The following ZFHX3 variants were observed in gnomAD, a reference collection of about 807,000 sequenced individuals.
ZFHX3 encodes zinc finger homeobox 3.
A neutral mutation model predicts 279.1 loss-of-function variants in ZFHX3; 42 were observed. That is an observed-to-expected ratio of 0.15 (90% confidence interval 0.12 to 0.19). The LOEUF is 0.19. Among genes scored for constraint, ZFHX3 ranks in the 10% least tolerant of loss-of-function variants. The probability of loss-of-function intolerance (pLI) is 1.00; values close to 1 mark genes in which losing one functional copy is unlikely to be tolerated. For missense variants in ZFHX3, 4,981 were observed against 4,754.0 expected (o/e 1.05, Z -1.40); for synonymous variants, 2,293 against 1,957.8 (o/e 1.17, Z -4.52).
Position 73,576,993 on chromosome 16 carries a change from C to T in ZFHX3, c.-1547+103187G>A, listed in dbSNP as rs1204455787. 3.9e-5 allele frequency among the ~76,000 whole-genome samples: 6 copies of T among 152,178 alleles called. No individual in the cohort carries two copies. The East Asian group carries it at 9.7e-4, about 25-fold the overall frequency. On this transcript the variant is annotated intron_variant, in intron 2 of 17. Coordinates refer to the ZFHX3 transcript ENST00000641206. ...TTAGATCTAGATTCTAATAAATTTG[C>T]TTTGGTTTGCACCTTGAGACACTTT...
chr16:73,037,905 T>G lies in ZFHX3; in HGVS notation c.-50+9847A>C, dbSNP rs375336003. ...AGTGAGACCAACACACAGCCATGAC[T>G]ACCAGCTTGCCATAAATCGTAACTG... is the stretch of plus-strand genomic sequence containing the variant. On this transcript the variant is annotated intron_variant, in intron 1 of 9. Coordinates refer to ENST00000268489, the MANE Select transcript of ZFHX3 (RefSeq NM_006885.4). Among the ~76,000 whole-genome samples the G allele has an allele frequency of 6.2e-4, 94 of 152,106 alleles. 3 individuals carry two copies. The South Asian group carries it at 0.019, about 31-fold the overall frequency.
At chr16:73,446,960 C>T (rs964099013) in intron 3 of ZFHX3, among the ~76,000 whole-genome samples, 4 of 152,018 alleles carry the variant, frequency 2.6e-5, no homozygotes, top group African/African-American at 7.2e-5. Context: ...GTGGGTGGAT[C>T]ATGAGGTCAG....
intron 1 of ZFHX3, among the ~76,000 whole-genome samples, chr16:73,729,464 G>A (rs910896168): frequency 2.0e-5 from 3 of 152,084 alleles, no homozygotes; most frequent in African/African-American, 4.8e-5. Context: ...GGGCGGCAGA[G>A]GCTGTAGTGA....
intron 5 of ZFHX3, among the ~76,000 whole-genome samples, chr16:73,175,764 G>A (rs549961579): frequency 3.4e-4 from 51 of 152,190 alleles, no homozygotes; most frequent in African/African-American, 1.2e-3. Flanking sequence ...TAACTCTTTA[G>A]AGATCTTCTC....
At chr16:73,410,304 T>G (rs1422454734) in intron 3 of ZFHX3, among the ~76,000 whole-genome samples, 1 of 152,070 alleles carries the variant, frequency 6.6e-6, no homozygotes, top group Non-Finnish European at 1.5e-5. Context: ...TAATGCCAGC[T>G]ACTCAGGAGG....
Position 72,796,547 on chromosome 16 carries a change from TGGAGGGGGA to T in ZFHX3, c.6126_6134del (p.Pro2048_Pro2050del), listed in dbSNP as rs1567517026. On this transcript the variant is annotated inframe_deletion, in exon 9 of 10. Coordinates refer to ENST00000268489, the MANE Select transcript of ZFHX3 (RefSeq NM_006885.4). ...CTGCCGGAAGTGGGGGTGGAGGGGG[TGGAGGGGGA>T]GGTGGTGGTGGCTCTGGGGTCTGGG... 2.8e-6 allele frequency: 1 copy of T among 361,202 alleles called. No individual in the cohort carries two copies. The highest frequency in any genetic ancestry group is 3.9e-6 in the Non-Finnish European group (1 of 259,236). 22.4% of individuals were successfully genotyped at this position (361,202 alleles called of 1,614,324 possible). A position where few individuals can be genotyped will look rare whatever the true frequency, so the allele number is the denominator to read the frequency against.
At chr16:73,479,558 C>T (rs2018828278) in intron 2 of ZFHX3, among the ~76,000 whole-genome samples, 1 of 152,188 alleles carries the variant, frequency 6.6e-6, no homozygotes, top group Admixed American at 6.5e-5. Flanking sequence ...CATGCTCCTG[C>T]ACTCTGTTAT....
At chr16:72,962,201 GT>G (rs987113356) in intron 1 of ZFHX3, among the ~76,000 whole-genome samples, 60 of 152,368 alleles carry the variant, frequency 3.9e-4, no homozygotes, top group African/African-American at 1.4e-3. Flanking sequence ...CCAGGGACTT[GT>G]TTATCGACAG....
chr16:73,702,673 G>C (rs1337097605), intron 1 of ZFHX3, among the ~76,000 whole-genome samples: 1 of 152,116 alleles, frequency 6.6e-6, no homozygotes, highest in East Asian at 1.9e-4. Flanking sequence ...GAAAAGATGA[G>C]ACAGCGCAGA....
chr16:73,837,846 G>A (rs1160373366), intron 1 of ZFHX3, among the ~76,000 whole-genome samples: 1 of 152,152 alleles, frequency 6.6e-6, no homozygotes, highest in Non-Finnish European at 1.5e-5. Flanking sequence ...ATGTTGGTCA[G>A]GCCGGTCTTG....
At chr16:72,943,057 A>G (rs1960488743) in intron 3 of ZFHX3, among the ~76,000 whole-genome samples, 1 of 152,224 alleles carries the variant, frequency 6.6e-6, no homozygotes, top group Admixed American at 6.5e-5. Flanking sequence ...TCTGTGGATC[A>G]TTCACAAGAG....
At chr16:72,810,824 C>T (rs2036423366) in intron 7 of ZFHX3, among the ~76,000 whole-genome samples, 1 of 152,192 alleles carries the variant, frequency 6.6e-6, no homozygotes, top group Non-Finnish European at 1.5e-5. Context: ...AGTCAGTTAA[C>T]ATCTTTGAGC....
chr16:72,950,778 G>A lies in ZFHX3; in HGVS notation c.2907C>T (p.Arg969=). The change falls in exon 3 of 10, where the codon CGC becomes CGT. Residue 969 remains arginine (R), a synonymous_variant. Transcript: ENST00000268489. ...DMLGLHMNVE[R]SLSEDEWKAV... is the part of the protein sequence containing the mutation. ...CCTTCCACTCGTCCTCCGACAGGCT[G>A]CGCTCCACGTTCATGTGCAGGCCCA... 1 of 1,614,214 alleles carries A rather than the reference G, an allele frequency of 6.2e-7. No homozygotes were observed. The highest frequency in any genetic ancestry group is 8.5e-7 in the Non-Finnish European group (1 of 1,180,048).
At chr16:73,067,795 T>C (rs1002019785) in intron 8 of ZFHX3, among the ~76,000 whole-genome samples, 1 of 152,138 alleles carries the variant, frequency 6.6e-6, no homozygotes, top group Non-Finnish European at 1.5e-5. Context: ...AGACGCTGGC[T>C]GTAAGGAGGC....
At chr16:72,803,342 A>G (rs1318663240) in intron 7 of ZFHX3, among the ~76,000 whole-genome samples, 1 of 152,052 alleles carries the variant, frequency 6.6e-6, no homozygotes, top group Admixed American at 6.6e-5. Flanking sequence ...CAATCAATCA[A>G]TCAATCAATC....
intron 2 of ZFHX3, among the ~76,000 whole-genome samples, chr16:73,558,873 C>A (rs948669092): frequency 1.3e-5 from 2 of 150,766 alleles, no homozygotes; most frequent in African/African-American, 4.9e-5. Flanking sequence ...CCACCATGCC[C>A]AGCTCACTTT....
intron 3 of ZFHX3, 127 bp downstream of exon 3, chr16:72,950,342 T>A: frequency 6.9e-7 from 1 of 1,440,022 alleles, no homozygotes; most frequent in Non-Finnish European, 9.3e-7. Context: ...AACTCCAGGT[T>A]CCCAACCAAC....
chr16:73,212,766 T>G (rs1275287224), intron 5 of ZFHX3, among the ~76,000 whole-genome samples: 1 of 152,198 alleles, frequency 6.6e-6, no homozygotes, highest in Admixed American at 6.5e-5. Context: ...GAGTTGGCAT[T>G]ACAAATATGC....
intron 1 of ZFHX3, among the ~76,000 whole-genome samples, chr16:73,735,261 T>C (rs775996579): frequency 3.9e-5 from 6 of 152,132 alleles, no homozygotes; most frequent in Middle Eastern, 3.4e-3. Context: ...GTCAGAGACC[T>C]GAGTCATAGG....
Sources: gnomAD v4.1 joint callset for allele counts (sites outside exome capture counted in the v4.1 genomes callset) on GRCh38, gnomAD v4.1.1 for gene constraint, MANE v1.5 for transcripts, NCBI Gene and HGNC (gene_info 2026-07-23, HGNC 2026-07-21) for gene names.